Variants in CDK3 observed in about 807,000 individuals in gnomAD.
The protein encoded by CDK3 is cyclin dependent kinase 3.
A neutral mutation model predicts 30.2 loss-of-function variants in CDK3; 24 were observed. That is an observed-to-expected ratio of 0.79 (90% CI 0.57 to 1.12). The LOEUF is 1.12. Ranked by LOEUF, CDK3 falls within the 50% of genes most tolerant of loss-of-function variation. The pLI is 0.00. For synonymous variants in CDK3, 158 were observed against 154.2 expected (o/e 1.02, Z -0.18); for missense variants, 345 against 376.0 (o/e 0.92, Z 0.68).
chr17:76,001,976 A>T lies in CDK3; in HGVS notation c.194+25A>T. ...GGTGAGTTGGGGATTGAGGTGGGGA[A>T]GCTGGGATGGCGAAGGTAGCATCCT... On this transcript the variant is annotated intron_variant, in intron 3 of 7. Coordinates refer to ENST00000448471, the MANE Select transcript of CDK3 (RefSeq NM_001258.4). This position sits in a 1 kb window ranked among gnomAD's most constrained non-coding sequence, Gnocchi z 6.2. 1 of 1,613,866 alleles carries T rather than the reference A, an allele frequency of 6.2e-7. No individual in the cohort carries two copies. Among genetic ancestry groups the T allele is most frequent in the Non-Finnish European group, 8.5e-7 (1 of 1,179,828 alleles).
chr17:76,005,514 A>C lies in CDK3; in HGVS notation c.*91A>C, dbSNP rs1467507663. Reference sequence around the variant, plus strand: ...GCCAAGAGAGGATGCATCTGGGGAGAGCAAAGCACTAAGGAATTCAGCATC... The same window carrying C: ...GCCAAGAGAGGATGCATCTGGGGAGCGCAAAGCACTAAGGAATTCAGCATC... On this transcript the variant is annotated 3_prime_UTR_variant, in exon 8 of 8. Transcript: ENST00000448471. The surrounding 1 kb of genome is among the most constrained non-coding windows in gnomAD (Gnocchi z 4.7). The C allele has an allele frequency of 8.2e-6, 12 of 1,455,858 alleles. No homozygotes were observed. The Admixed American group carries it at 2.3e-4, about 28-fold the overall frequency. 90.2% of individuals were successfully genotyped at this position (1,455,858 alleles called of 1,614,324 possible). A position where few individuals can be genotyped will look rare whatever the true frequency, so the allele number is the denominator to read the frequency against.
Position 76,002,796 on chromosome 17 carries a change from T to C in CDK3, c.588+184T>C. The C allele has an allele frequency of 1.7e-6, 1 of 583,992 alleles. No individual in the cohort carries two copies. The highest frequency in any genetic ancestry group is 2.0e-5 in the South Asian group (1 of 50,474). The allele number at this position is 583,992 out of a possible 1,614,324, so 36.2% of individuals were successfully genotyped here. ...GGAGGATGGCTTGAGCCCAGGAGTT[T>C]GAGACCAGCCTGGGCAACGTAACAA... On this transcript the variant is annotated intron_variant, in intron 6 of 7. Coordinates refer to ENST00000448471, the MANE Select transcript of CDK3 (RefSeq NM_001258.4). The surrounding 1 kb of genome is among the most constrained non-coding windows in gnomAD (Gnocchi z 4.3).
Position 76,002,384 on chromosome 17 carries a change from C to T in CDK3, c.452C>T (p.Ala151Val). Residue 151 changes from alanine to valine, a missense_variant, in exon 5 of 8, where the codon GCC (alanine) becomes GTC (valine). Ala to Val is a moderately conservative substitution (Grantham distance 64). Transcript: ENST00000448471. This position sits in a 1 kb window ranked among gnomAD's most constrained non-coding sequence, Gnocchi z 4.3. ...IKLADFGLAR[A>V]FGVPLRTYTH... Reference sequence around the variant, plus strand: ...CTGGCTGACTTCGGCCTGGCTCGCGCCTTCGGGGTGCCCCTGCGCACCTAC... The same window carrying T: ...CTGGCTGACTTCGGCCTGGCTCGCGTCTTCGGGGTGCCCCTGCGCACCTAC... 6.2e-7 allele frequency: 1 copy of T among 1,612,304 alleles called. No homozygotes were observed. The highest frequency in any genetic ancestry group is 8.5e-7 in the Non-Finnish European group (1 of 1,179,918).
intron 7 of CDK3, 126 bp downstream of exon 7, chr17:76,003,524 T>G: frequency 1.4e-6 from 1 of 697,942 alleles, no homozygotes; most frequent in Non-Finnish European, 2.4e-6. Flanking sequence ...TGTACACAAC[T>G]GGCTTGGGTA....
In CDK3 at chr17:76,003,217, C is replaced by T; in HGVS notation, c.611C>T (p.Pro204Leu). The T allele has an allele frequency of 6.2e-7, 1 of 1,614,190 alleles. No individual in the cohort carries two copies. Among genetic ancestry groups the T allele is most frequent in the Non-Finnish European group, 8.5e-7 (1 of 1,180,036 alleles). Residue 204 changes from proline to leucine, a missense_variant, in exon 7 of 8, where the codon CCT becomes CTT. Transcript: ENST00000448471. ...CAGGTGACTCGAAAAGCCCTGTTTC[C>T]TGGTGACTCTGAGATTGACCAGCTC... ...AEMVTRKALF[P>L]GDSEIDQLFR...
rs1216080234 is a variant in CDK3, at chr17:76,002,013, C to T, written c.195-9C>T. ...GAAGGTAGCATCCTGACTGCCATCT[C>T]CCTGTCAGACTGCTGGACGTGGTGC... On this transcript the variant is annotated splice_polypyrimidine_tract_variant and intron_variant, in intron 3 of 7. Coordinates refer to ENST00000448471, the MANE Select transcript of CDK3 (RefSeq NM_001258.4). This position sits in a 1 kb window ranked among gnomAD's most constrained non-coding sequence, Gnocchi z 4.3. The T allele has an allele frequency of 6.8e-6, 11 of 1,613,954 alleles. No individual in the cohort carries two copies. In the African/African-American group the frequency reaches 1.3e-4, roughly 20 times the overall value.
rs375455007 is a variant in CDK3, at chr17:76,005,339, G to C, written c.834G>C (p.Lys278Asn). ...QYDPSQRITA[K>N]TALAHPYFSS... is the part of the protein sequence containing the mutation. ...ACCCCAGCCAGCGGATCACAGCCAA[G>C]ACTGCCCTGGCCCACCCGTACTTCT... is the stretch of plus-strand genomic sequence containing the variant. Residue 278 changes from lysine (K) to asparagine (N), a missense_variant, in exon 8 of 8, where the codon AAG (lysine) becomes AAC (asparagine). Coordinates refer to ENST00000448471, the MANE Select transcript of CDK3 (RefSeq NM_001258.4). This position sits in a 1 kb window ranked among gnomAD's most constrained non-coding sequence, Gnocchi z 4.7. 1.5e-5 allele frequency: 25 copies of C among 1,614,116 alleles called. No homozygotes were observed. The highest frequency in any genetic ancestry group is 1.5e-5 in the Non-Finnish European group (18 of 1,180,014).
chr17:76,005,007 G>A lies in CDK3; in HGVS notation c.793-291G>A, dbSNP rs2066299562. On this transcript the variant is annotated intron_variant, in intron 7 of 7. Transcript: ENST00000448471. This position sits in a 1 kb window ranked among gnomAD's most constrained non-coding sequence, Gnocchi z 4.7. The stretch of plus-strand genomic sequence containing the variant: ...TCAGTCCCCTGCTTCCTGATACGTG[G>A]GGTTCTGTGCTCTTCCCAACTAGAA... 1.3e-5 allele frequency among the ~76,000 whole-genome samples: 2 copies of A among 152,242 alleles called. No homozygotes were observed. Among genetic ancestry groups the A allele is most frequent in the East Asian group, 3.9e-4 (2 of 5,184 alleles).
At position 76,002,365 on chromosome 17, in the gene CDK3, G is replaced by T; in HGVS notation, c.433G>T (p.Asp145Tyr). ...TGAGTTGGGTGCCATCAAGCTGGCT[G>T]ACTTCGGCCTGGCTCGCGCCTTCGG... is the stretch of plus-strand genomic sequence containing the variant. ...INELGAIKLA[D>Y]FGLARAFGVP... Residue 145 changes from aspartate to tyrosine, a missense_variant, in exon 5 of 8, where the codon GAC becomes TAC. Physicochemically the swap from Asp to Tyr is radical, Grantham distance 160. Transcript: ENST00000448471. The surrounding 1 kb of genome is among the most constrained non-coding windows in gnomAD (Gnocchi z 4.3). The T allele has an allele frequency of 6.2e-7, 1 of 1,612,848 alleles. No individual in the cohort carries two copies.
At chr17:76,003,487 C>G (rs532452712) in intron 7 of CDK3, 89 bp downstream of exon 7, 2 of 1,066,900 alleles carry the variant, frequency 1.9e-6, no homozygotes, top group East Asian at 2.5e-5. Context: ...TTTCTGAGTC[C>G]AAGGCCAGGG....
chr17:76,002,084 A>G lies in CDK3; in HGVS notation c.257A>G (p.Asp86Gly). Residue 86 changes from aspartate to glycine, a missense_variant, in exon 4 of 8, where the codon GAC (aspartate) becomes GGC (glycine). Asp to Gly is a moderately conservative substitution (Grantham distance 94, BLOSUM62 -1). Transcript: ENST00000448471. The surrounding 1 kb of genome is among the most constrained non-coding windows in gnomAD (Gnocchi z 4.3). ...LYLVFEFLSQ[D>G]LKKYMDSTPG... ...CTGGTGTTTGAGTTCCTCAGCCAGG[A>G]CCTGAAGAAGTACATGGACTCCACC... 2 of 1,613,866 alleles carry G rather than the reference A, an allele frequency of 1.2e-6. No individual in the cohort carries two copies. Among genetic ancestry groups the G allele is most frequent in the Non-Finnish European group, 1.7e-6 (2 of 1,179,952 alleles).
Position 76,002,430 on chromosome 17 carries a change from CAA to C in CDK3, c.486+14_486+15del, listed in dbSNP as rs763612906. 1.6e-5 allele frequency: 26 copies of C among 1,612,248 alleles called. No individual in the cohort carries two copies. Among genetic ancestry groups the C allele is most frequent in the Middle Eastern group, 1.6e-4 (1 of 6,082 alleles). On this transcript the variant is annotated intron_variant, in intron 5 of 7. Coordinates refer to ENST00000448471, the MANE Select transcript of CDK3 (RefSeq NM_001258.4). The surrounding 1 kb of genome is among the most constrained non-coding windows in gnomAD (Gnocchi z 4.3). ...CCTACACCCATGAGGTATTGTGAGA[CAA>C]AGAGGAGAGAGGGGCAGCAGGAGGA...
rs530274989 is a variant in CDK3 at position 76,002,815 on chromosome 17, G to A, written c.588+203G>A. 5 of 569,122 alleles carry A rather than the reference G, an allele frequency of 8.8e-6. No homozygotes were observed. The highest frequency in any genetic ancestry group is 4.0e-5 in the South Asian group (2 of 49,900). The allele number at this position is 569,122 out of a possible 1,614,324, so 35.3% of individuals were successfully genotyped here. A position where few individuals can be genotyped will look rare whatever the true frequency, so the allele number is the denominator to read the frequency against. On this transcript the variant is annotated intron_variant, in intron 6 of 7. Coordinates refer to ENST00000448471, the MANE Select transcript of CDK3 (RefSeq NM_001258.4). The surrounding 1 kb of genome is among the most constrained non-coding windows in gnomAD (Gnocchi z 4.3). ...GGAGTTTGAGACCAGCCTGGGCAAC[G>A]TAACAAATCCCCAGCTCTTAAAAAA...
chr17:76,003,786 G>A (rs893610591), intron 7 of CDK3, among the ~76,000 whole-genome samples: 1 of 151,818 alleles, frequency 6.6e-6, no homozygotes, highest in Admixed American at 6.6e-5. Flanking sequence ...CTTGTTGCCC[G>A]GGCTGGAGTG....
chr17:76,001,272 T>G lies in CDK3; in HGVS notation c.-14-140T>G. The G allele has an allele frequency of 6.7e-7, 1 of 1,494,058 alleles. No individual in the cohort carries two copies. The highest frequency in any genetic ancestry group is 8.9e-7 in the Non-Finnish European group (1 of 1,122,502). The allele number at this position is 1,494,058 out of a possible 1,614,324, so 92.6% of individuals were successfully genotyped here. On this transcript the variant is annotated intron_variant, in intron 1 of 7. Coordinates refer to ENST00000448471, the MANE Select transcript of CDK3 (RefSeq NM_001258.4). This position sits in a 1 kb window ranked among gnomAD's most constrained non-coding sequence, Gnocchi z 6.2. Reference sequence around the variant, plus strand: ...GGTTCCCAGGCAGGATGAGCTGGGGTTGGGGTGGCTAGGCCGTGGGCCTTG... The same window carrying G: ...GGTTCCCAGGCAGGATGAGCTGGGGGTGGGGTGGCTAGGCCGTGGGCCTTG...
intron 7 of CDK3, among the ~76,000 whole-genome samples, chr17:76,004,219 GTTTT>G (rs59029490): frequency 3.3e-5 from 3 of 92,296 alleles, no homozygotes; most frequent in Non-Finnish European, 5.8e-5. Context: ...AGAACCGTCT[GTTTT>G]TTTTTTTTTT....
In CDK3 at chr17:76,001,851, G is replaced by A. The variant is rs370526906; in HGVS notation, c.117-23G>A. On this transcript the variant is annotated intron_variant, in intron 2 of 7. Coordinates refer to ENST00000448471, the MANE Select transcript of CDK3 (RefSeq NM_001258.4). This position sits in a 1 kb window ranked among gnomAD's most constrained non-coding sequence, Gnocchi z 6.2. Reference sequence around the variant, plus strand: ...CTTCTTGGCCCAAGTCTCTGCCCACGGCTGTGCCCTTGTTTCTTGCAGGGA... The same window carrying A: ...CTTCTTGGCCCAAGTCTCTGCCCACAGCTGTGCCCTTGTTTCTTGCAGGGA... 35 of 1,608,086 alleles carry A rather than the reference G, an allele frequency of 2.2e-5. No individual in the cohort carries two copies. The African/African-American group carries it at 2.8e-4, about 13-fold the overall frequency.
At position 76,001,670 on chromosome 17, in the gene CDK3, T is replaced by A; in HGVS notation, c.116+129T>A. 1.1e-6 allele frequency: 1 copy of A among 900,700 alleles called. No homozygotes were observed. The highest frequency in any genetic ancestry group is 1.7e-6 in the Non-Finnish European group (1 of 588,196). 55.8% of individuals were successfully genotyped at this position (900,700 alleles called of 1,614,324 possible). On this transcript the variant is annotated intron_variant, in intron 2 of 7. Transcript: ENST00000448471. This position sits in a 1 kb window ranked among gnomAD's most constrained non-coding sequence, Gnocchi z 6.2. Reference sequence around the variant, plus strand: ...GGTGCTGCCCAGCAGCCCTTACCTGTCCTCTCCCCAGTTCACTGCCTTCTG... The same window carrying A: ...GGTGCTGCCCAGCAGCCCTTACCTGACCTCTCCCCAGTTCACTGCCTTCTG...
Position 76,000,895 on chromosome 17 carries a change from GC to G in CDK3, c.-83del. 9.5e-7 allele frequency: 1 copy of G among 1,053,646 alleles called. No individual in the cohort carries two copies. The highest frequency in any genetic ancestry group is 1.1e-6 in the Non-Finnish European group (1 of 871,022). The allele number at this position is 1,053,646 out of a possible 1,614,324, so 65.3% of individuals were successfully genotyped here. On this transcript the variant is annotated 5_prime_UTR_variant, in exon 1 of 8. Coordinates refer to ENST00000448471, the MANE Select transcript of CDK3 (RefSeq NM_001258.4). This position sits in a 1 kb window ranked among gnomAD's most constrained non-coding sequence, Gnocchi z 5.9. Reference sequence around the variant, plus strand: ...CTGACCTCTGCCCCCAGTGGCCCTGGCCCCTGGGCAGCCCTTCCTGGCCGCC... The same window carrying G: ...CTGACCTCTGCCCCCAGTGGCCCTGGCCCTGGGCAGCCCTTCCTGGCCGCC...
Sources: allele counts gnomAD v4.1 joint callset (sites outside exome capture counted in the v4.1 genomes callset), GRCh38; gene constraint gnomAD v4.1.1; non-coding constraint Gnocchi (gnomAD v3.1); transcripts MANE v1.5; gene names NCBI Gene and HGNC (gene_info 2026-07-23, HGNC 2026-07-21).